Variants in SGMS2 observed in about 807,000 individuals in gnomAD.
The protein encoded by SGMS2 is phosphatidylcholine:ceramide cholinephosphotransferase 2.
In SGMS2, 21 loss-of-function variants were observed where a neutral mutation model predicts 43.8. That is an observed-to-expected ratio of 0.48 (90% CI 0.34 to 0.69). The LOEUF is 0.69. Among genes scored for constraint, SGMS2 ranks in the 30% least tolerant of loss-of-function variants. The probability of loss-of-function intolerance (pLI) is 0.01; values close to 1 mark genes in which losing one functional copy is unlikely to be tolerated. For missense variants in SGMS2, 384 were observed against 443.2 expected (o/e 0.87, Z 1.20); for synonymous variants, 167 against 160.6 (o/e 1.04, Z -0.30).
rs376278496 is a variant in SGMS2, at chr4:107,890,229, A to C, written c.-244-5081A>C. 3.2e-4 allele frequency among the ~76,000 whole-genome samples: 49 copies of C among 152,268 alleles called. No individual in the cohort carries two copies. In the East Asian group the frequency reaches 7.9e-3, roughly 25 times the overall value. On this transcript the variant is annotated intron_variant, in intron 2 of 6. Transcript: ENST00000690982. Reference sequence around the variant, plus strand: ...TAAGGAGAAACAGGTTTCTCCCCGAAAGGGAGTCTGGTGTCTTCTCCATTT... The same window carrying C: ...TAAGGAGAAACAGGTTTCTCCCCGACAGGGAGTCTGGTGTCTTCTCCATTT...
intron 2 of SGMS2, among the ~76,000 whole-genome samples, chr4:107,869,815 T>G (rs1728420893): frequency 6.6e-6 from 1 of 152,232 alleles, no homozygotes; most frequent in South Asian, 2.1e-4. Context: ...TGTAGTATTT[T>G]CTACTTTCAT....
At chr4:107,845,601 C>G (rs973017870) in intron 1 of SGMS2, among the ~76,000 whole-genome samples, 3 of 152,190 alleles carry the variant, frequency 2.0e-5, no homozygotes, top group Non-Finnish European at 1.5e-5. Flanking sequence ...TTCCTTGAGA[C>G]AAGCAGCTAC....
At chr4:107,848,559 T>C (rs1458473428) in intron 1 of SGMS2, among the ~76,000 whole-genome samples, 2 of 152,220 alleles carry the variant, frequency 1.3e-5, no homozygotes, top group East Asian at 1.9e-4. Flanking sequence ...TTCCTGTTGC[T>C]CCACATCCTC....
In SGMS2 at chr4:107,913,088, A is replaced by G. The variant is rs911869663; in HGVS notation, c.*2535A>G. The G allele has an allele frequency of 6.6e-6, 1 of 152,218 alleles. No homozygotes were observed. The highest frequency in any genetic ancestry group is 1.5e-5 in the Non-Finnish European group (1 of 68,032). 9.4% of individuals were successfully genotyped at this position (152,218 alleles called of 1,614,324 possible). A position where few individuals can be genotyped will look rare whatever the true frequency, so the allele number is the denominator to read the frequency against. On this transcript the variant is annotated 3_prime_UTR_variant, in exon 7 of 7. Transcript: ENST00000690982. ...CAAGTATGATCTTGCCTTTGAAATC[A>G]TAAATGTTTGGGGTACCTGTTCTTT...
intron 1 of SGMS2, among the ~76,000 whole-genome samples, chr4:107,845,265 G>A (rs963700097): frequency 6.6e-6 from 1 of 152,212 alleles, no homozygotes; most frequent in Non-Finnish European, 1.5e-5. Flanking sequence ...TCTGAGAACA[G>A]TCTGGATTTG....
At chr4:107,854,283 T>A (rs1727303976) in intron 1 of SGMS2, among the ~76,000 whole-genome samples, 1 of 152,202 alleles carries the variant, frequency 6.6e-6, no homozygotes, top group African/African-American at 2.4e-5. Flanking sequence ...TAGCTAAGGT[T>A]TGCACCGTAT....
chr4:107,845,944 T>A (rs1181010792), intron 1 of SGMS2, among the ~76,000 whole-genome samples: 1 of 152,200 alleles, frequency 6.6e-6, no homozygotes, highest in Non-Finnish European at 1.5e-5. Context: ...AATGCTGCCC[T>A]GACCACAAAT....
chr4:107,906,434 G>T (rs1731582543), intron 5 of SGMS2, among the ~76,000 whole-genome samples: 1 of 152,210 alleles, frequency 6.6e-6, no homozygotes, highest in African/African-American at 2.4e-5. Context: ...CATCTGGCTA[G>T]TAGAGAACAG....
chr4:107,846,654 T>A (rs1447096936), intron 1 of SGMS2, among the ~76,000 whole-genome samples: 3 of 151,746 alleles, frequency 2.0e-5, no homozygotes, highest in South Asian at 2.1e-4. Flanking sequence ...GGTCCAATGG[T>A]ATTTCTAGTT....
intron 1 of SGMS2, among the ~76,000 whole-genome samples, chr4:107,852,348 AT>A (rs1368991972): frequency 6.6e-6 from 1 of 152,004 alleles, no homozygotes; most frequent in Admixed American, 6.6e-5. Context: ...AGTCATAATA[AT>A]TTTTTAAAAA....
intron 1 of SGMS2, among the ~76,000 whole-genome samples, chr4:107,844,645 G>A (rs1200996425): frequency 6.6e-6 from 1 of 152,160 alleles, no homozygotes; most frequent in African/African-American, 2.4e-5. Flanking sequence ...GGTCAAGGCT[G>A]CAGTGAGCCG....
At chr4:107,898,870 GA>G (rs544277377) in intron 3 of SGMS2, among the ~76,000 whole-genome samples, 29 of 152,240 alleles carry the variant, frequency 1.9e-4, no homozygotes, top group African/African-American at 6.5e-4. Context: ...TGACTTGTGG[GA>G]TTTTTTTATC....
At chr4:107,868,996 T>G (rs945276284) in intron 2 of SGMS2, among the ~76,000 whole-genome samples, 1 of 152,212 alleles carries the variant, frequency 6.6e-6, no homozygotes, top group East Asian at 1.9e-4. Context: ...TTTGTGTAAT[T>G]GTGCATGAAT....
intron 4 of SGMS2, among the ~76,000 whole-genome samples, chr4:107,902,325 T>C (rs1321797741): frequency 2.8e-5 from 4 of 145,228 alleles, no homozygotes; most frequent in Non-Finnish European, 6.0e-5. Flanking sequence ...TTCTCTTCCA[T>C]GTATTCTATT....
intron 1 of SGMS2, among the ~76,000 whole-genome samples, chr4:107,831,337 A>T (rs1488603849): frequency 6.6e-6 from 1 of 152,204 alleles, no homozygotes; most frequent in Non-Finnish European, 1.5e-5. Context: ...GCCAGAGGTG[A>T]ACCCTGACAG....
In SGMS2 at chr4:107,911,535, C is replaced by T. The variant is rs1373559908; in HGVS notation, c.*982C>T. On this transcript the variant is annotated 3_prime_UTR_variant, in exon 7 of 7. Coordinates refer to ENST00000690982, the MANE Select transcript of SGMS2 (RefSeq NM_001375905.1). The stretch of plus-strand genomic sequence containing the variant: ...CACAGAAATGTATTTGGTCAAATTT[C>T]ATTGAAGGTGATTTCTTCCTTTTTC... 2 of 152,174 alleles carry T rather than the reference C, an allele frequency of 1.3e-5. No individual in the cohort carries two copies. Among genetic ancestry groups the T allele is most frequent in the Non-Finnish European group, 2.9e-5 (2 of 68,032 alleles). 9.4% of individuals were successfully genotyped at this position (152,174 alleles called of 1,614,324 possible).
chr4:107,834,273 A>G (rs1365900927), intron 1 of SGMS2, among the ~76,000 whole-genome samples: 1 of 152,224 alleles, frequency 6.6e-6, no homozygotes, highest in Non-Finnish European at 1.5e-5. Flanking sequence ...TGTAAAATTA[A>G]CCACTTTGTG....
chr4:107,857,576 T>C (rs1727495676), intron 1 of SGMS2, among the ~76,000 whole-genome samples: 1 of 151,758 alleles, frequency 6.6e-6, no homozygotes, highest in Non-Finnish European at 1.5e-5. Flanking sequence ...TATACATATA[T>C]GCACTATTGG....
At chr4:107,887,372 C>A (rs1042620404) in intron 2 of SGMS2, among the ~76,000 whole-genome samples, 1 of 152,092 alleles carries the variant, frequency 6.6e-6, no homozygotes, top group Non-Finnish European at 1.5e-5. Flanking sequence ...CTGTGGCATA[C>A]AATAATTTAA....
Sources: gnomAD v4.1 joint callset for allele counts (sites outside exome capture counted in the v4.1 genomes callset) on GRCh38, gnomAD v4.1.1 for gene constraint, MANE v1.5 for transcripts, NCBI Gene and HGNC (gene_info 2026-07-23, HGNC 2026-07-21) for gene names.